LEUTX: variants seen among roughly 807,000 people sequenced by gnomAD.
LEUTX encodes the protein paired-like homeodomain transcription factor LEUTX.
Under a neutral mutation model 4.5 loss-of-function variants are expected in LEUTX, and 5 were observed. That is an observed-to-expected ratio of 1.11 (90% confidence interval 0.58 to 2.34). The LOEUF (loss-of-function observed/expected upper bound fraction) is 2.34. Ranked by LOEUF, LEUTX falls within the 30% of genes most tolerant of loss-of-function variation. LEUTX has a pLI of 0.01. For missense variants in LEUTX, 233 were observed against 239.4 expected, an observed-to-expected ratio of 0.97 and a Z score of 0.18; for synonymous variants, 89 against 85.1, an observed-to-expected ratio of 1.05 and a Z score of -0.25.
chr19:39,779,414 C>T (rs1967851074), intron 1 of LEUTX, among the ~76,000 whole-genome samples: 1 of 152,124 alleles, frequency 6.6e-6, no homozygotes, highest in Non-Finnish European at 1.5e-5. Context: ...TCTTTACTAA[C>T]CCGTGTGATT....
chr19:39,779,194 C>T (rs114552512), intron 1 of LEUTX, among the ~76,000 whole-genome samples: 281 of 152,208 alleles, frequency 1.8e-3, no homozygotes, highest in African/African-American at 6.5e-3. Flanking sequence ...CCTAGTGATC[C>T]TCCCACCTCA....
Position 39,785,935 on chromosome 19 carries a change from G to A in LEUTX, c.397G>A (p.Val133Ile), listed in dbSNP as rs2144961449. The A allele has an allele frequency of 6.4e-7, 1 of 1,551,760 alleles. No homozygotes were observed. Among genetic ancestry groups the A allele is most frequent in the South Asian group, 1.2e-5 (1 of 84,064 alleles). Residue 133 changes from valine to isoleucine, a missense_variant, in exon 3 of 3, where the codon GTT becomes ATT. Physicochemically the swap from Val to Ile is conservative, Grantham distance 29. Coordinates refer to ENST00000638280, the MANE Select transcript of LEUTX (RefSeq NM_001382345.1). The stretch of plus-strand genomic sequence containing the variant: ...TGGAGGAGCCAGCGCCTCTGCGAGG[G>A]TTTCATCCTGGGATTCTCAGTCATA... ...NPGGASASAR[V>I]SSWDSQSYDI...
chr19:39,784,064 T>G (rs1967926880), intron 1 of LEUTX, among the ~76,000 whole-genome samples: 1 of 152,148 alleles, frequency 6.6e-6, no homozygotes, highest in Non-Finnish European at 1.5e-5. Context: ...CTATCTCATT[T>G]CTTAGGTCTA....
rs1243255523 is a variant in LEUTX at position 39,786,030 on chromosome 19, A to C, written c.492A>C (p.Glu164Asp). 1 of 1,551,712 alleles carries C rather than the reference A, an allele frequency of 6.4e-7. No individual in the cohort carries two copies. Among genetic ancestry groups the C allele is most frequent in the South Asian group, 1.2e-5 (1 of 84,062 alleles). Reference sequence around the variant, plus strand: ...CCTCCACTCTCTTTGAAATAGATGAATTTGTAAAGATCTATGACTTGCCAG... The same window carrying C: ...CCTCCACTCTCTTTGAAATAGATGACTTTGTAAAGATCTATGACTTGCCAG... ...PWASTLFEID[E>D]FVKIYDLPGE... The change falls in exon 3 of 3, where the codon GAA (glutamate) becomes GAC (aspartate). Residue 164 changes from glutamate to aspartate, a missense_variant. Transcript: ENST00000638280.
At chr19:39,779,814 G>A (rs1967858001) in intron 1 of LEUTX, among the ~76,000 whole-genome samples, 1 of 152,134 alleles carries the variant, frequency 6.6e-6, no homozygotes, top group South Asian at 2.1e-4. Flanking sequence ...AGGAGTTCAA[G>A]ACCAGCCTGG....
upstream of LEUTX, among the ~76,000 whole-genome samples, chr19:39,777,071 G>C (rs1454865659): frequency 6.6e-6 from 1 of 152,024 alleles, no homozygotes; most frequent in Non-Finnish European, 1.5e-5. Context: ...CCTCTTATCT[G>C]CACCTCAGAC....
intron 1 of LEUTX, among the ~76,000 whole-genome samples, chr19:39,780,782 T>G (rs1274341499): frequency 6.6e-6 from 1 of 152,148 alleles, no homozygotes; most frequent in African/African-American, 2.4e-5. Context: ...TTCAAGACTT[T>G]CTTGATGTAT....
chr19:39,776,619 C>T (rs1967797599), upstream of LEUTX: 1 of 456,196 alleles, frequency 2.2e-6, no homozygotes, highest in Non-Finnish European at 4.4e-6. Context: ...CAGCCTCATG[C>T]CTCCGTGGAA....
chr19:39,783,641 T>C (rs1187862179), intron 1 of LEUTX, among the ~76,000 whole-genome samples: 4 of 152,076 alleles, frequency 2.6e-5, no homozygotes, highest in African/African-American at 9.7e-5. Flanking sequence ...GTGTTGCCTG[T>C]TCACTGCATC....
In LEUTX at chr19:39,780,493, C is replaced by G. The variant is rs528872508; in HGVS notation, c.7+1566C>G. 3.9e-5 allele frequency among the ~76,000 whole-genome samples: 6 copies of G among 152,314 alleles called. No individual in the cohort carries two copies. The South Asian group carries it at 6.2e-4, about 16-fold the overall frequency. On this transcript the variant is annotated intron_variant, in intron 1 of 2. Coordinates refer to ENST00000638280, the MANE Select transcript of LEUTX (RefSeq NM_001382345.1). ...CATTCTGGAAACCCCTGTGCCTCAT[C>G]TCTCAAATCTTGAATTTTTTTTAAT... is the stretch of plus-strand genomic sequence containing the variant.
intron 1 of LEUTX, among the ~76,000 whole-genome samples, chr19:39,781,556 G>A (rs1404074211): frequency 6.6e-6 from 1 of 152,126 alleles, no homozygotes; most frequent in African/African-American, 2.4e-5. Context: ...CCATCCTCAT[G>A]GTAATGAGTG....
intron 1 of LEUTX, among the ~76,000 whole-genome samples, 154 bp from the exon 2 acceptor site, chr19:39,784,373 C>T (rs985484593): frequency 1.6e-4 from 25 of 152,042 alleles, no homozygotes; most frequent in Non-Finnish European, 2.1e-4. Flanking sequence ...TTTCTGGTTC[C>T]TTCTCATTTG....
chr19:39,778,130 G>T (rs533167056), upstream of LEUTX, among the ~76,000 whole-genome samples: 1 of 152,166 alleles, frequency 6.6e-6, no homozygotes, highest in South Asian at 2.1e-4. Flanking sequence ...GTTAGGGGGA[G>T]GAATAAATAA....
At chr19:39,784,335 C>G (rs955822282) in intron 1 of LEUTX, among the ~76,000 whole-genome samples, 192 bp from the exon 2 acceptor site, 1 of 151,996 alleles carries the variant, frequency 6.6e-6, no homozygotes. Context: ...GTTAAAGAAC[C>G]TTGTGTTGTC....
rs908828144 is a variant in LEUTX, at chr19:39,783,261, T to TTA, written c.8-1255_8-1254dup. Among the ~76,000 whole-genome samples the TTA allele has an allele frequency of 2.1e-3, 309 of 146,408 alleles. 1 individual carries two copies. Among genetic ancestry groups the TTA allele is most frequent in the African/African-American group, 6.8e-3 (274 of 40,244 alleles). ...ATCATATAATTTATATATATATAAA[T>TTA]TATATATATATAAATTATAATATTT... On this transcript the variant is annotated intron_variant, in intron 1 of 2. Coordinates refer to ENST00000638280, the MANE Select transcript of LEUTX (RefSeq NM_001382345.1).
chr19:39,785,074 T>C (rs999798196), intron 2 of LEUTX, among the ~76,000 whole-genome samples: 3 of 152,174 alleles, frequency 2.0e-5, no homozygotes, highest in African/African-American at 7.2e-5. Flanking sequence ...AAAGTATTCA[T>C]GGGAGAACAC....
chr19:39,778,495 G>A (rs554372319), upstream of LEUTX, among the ~76,000 whole-genome samples: 1 of 151,944 alleles, frequency 6.6e-6, no homozygotes, highest in Non-Finnish European at 1.5e-5. Flanking sequence ...TCCACGCACA[G>A]GGCACCTCCT....
upstream of LEUTX, among the ~76,000 whole-genome samples, chr19:39,776,891 G>T (rs1454449486): frequency 2.0e-5 from 3 of 152,076 alleles, no homozygotes; most frequent in Non-Finnish European, 4.4e-5. Flanking sequence ...AAAGAAAAAA[G>T]GGAAAGAAAG....
At chr19:39,779,950 G>T (rs543875394) in intron 1 of LEUTX, among the ~76,000 whole-genome samples, 180 of 152,292 alleles carry the variant, frequency 1.2e-3, no homozygotes, top group African/African-American at 4.1e-3. Flanking sequence ...GGAGGCAGAG[G>T]TTGCAGCAAT....
Sources: gnomAD v4.1 joint callset for allele counts (sites outside exome capture counted in the v4.1 genomes callset) on GRCh38, gnomAD v4.1.1 for gene constraint, MANE v1.5 for transcripts, NCBI Gene and HGNC (gene_info 2026-07-23, HGNC 2026-07-21) for gene names.